CRMP1: variants seen among roughly 807,000 people sequenced by gnomAD.
CRMP1 encodes collapsin response mediator protein 1, also known as dihydropyrimidinase-related protein 1.
A neutral mutation model predicts 68.3 loss-of-function variants in CRMP1; 19 were observed. The ratio of observed to expected loss-of-function variants is 0.28; its 90% CI spans 0.19 to 0.41. The LOEUF (loss-of-function observed/expected upper bound fraction) is 0.41. CRMP1 is among the 10% of genes least tolerant of loss of function. CRMP1 has a pLI of 1.00. For synonymous variants in CRMP1, 439 were observed against 399.6 expected (o/e 1.10, Z -1.18); for missense variants, 791 against 967.4 (o/e 0.82, Z 2.42).
rs1377201485 is a variant in CRMP1, at chr4:5,879,942, G to A, written c.381+12647C>T. On this transcript the variant is annotated intron_variant, in intron 1 of 13. Transcript: ENST00000324989. The surrounding 1 kb of genome is among the most constrained non-coding windows in gnomAD (Gnocchi z 4.2). ...GTATGCGGAAATCATGATAGAGGAG[G>A]AATAAAGAATTGGAGTGGTTTTGGA... Among the ~76,000 whole-genome samples the A allele has an allele frequency of 6.6e-6, 1 of 152,202 alleles. No individual in the cohort carries two copies. Among genetic ancestry groups the A allele is most frequent in the Non-Finnish European group, 1.5e-5 (1 of 68,042 alleles).
At chr4:5,836,231 G>A in intron 10 of CRMP1, 146 bp from the exon 11 acceptor site, 1 of 615,856 alleles carries the variant, frequency 1.6e-6, no homozygotes, top group Non-Finnish European at 2.4e-6. Context: ...CCATCATCAA[G>A]AACCCCAGAA....
intron 12 of CRMP1, chr4:5,828,033 G>A: frequency 1.0e-6 from 1 of 985,392 alleles, no homozygotes; most frequent in Non-Finnish European, 1.2e-6. Flanking sequence ...CGGATCTGAA[G>A]GAAGCCCTGC....
At chr4:5,856,407 C>CCACCATCATCATCATCACCATCAT in intron 3 of CRMP1, 100 bp from the exon 4 acceptor site, 3 of 1,086,502 alleles carry the variant, frequency 2.8e-6, no homozygotes, top group Non-Finnish European at 4.0e-6. Flanking sequence ...ATTACCATCA[C>CCACCATCATCATCATCACCATCAT]CACCATCATC....
At chr4:5,829,246 G>A (rs531715741) in intron 11 of CRMP1, among the ~76,000 whole-genome samples, 65 of 152,124 alleles carry the variant, frequency 4.3e-4, no homozygotes, top group Non-Finnish European at 6.9e-4. Flanking sequence ...ACATTCGGCC[G>A]GGCACGGTGG....
chr4:5,839,422 CAA>C, intron 9 of CRMP1, 98 bp downstream of exon 9: 2 of 1,434,376 alleles, frequency 1.4e-6, no homozygotes, highest in Non-Finnish European at 1.9e-6. Context: ...GCCTCCTCTA[CAA>C]TCATGAGTCC....
chr4:5,852,225 G>C (rs944568266), intron 4 of CRMP1, among the ~76,000 whole-genome samples: 1 of 152,252 alleles, frequency 6.6e-6, no homozygotes, highest in Non-Finnish European at 1.5e-5. Context: ...CCGTCAGGGA[G>C]AGCTGAGTTC....
rs371310830 is a variant in CRMP1, at chr4:5,836,850, G to A, written c.1367C>T (p.Ala456Val). 8.1e-6 allele frequency: 13 copies of A among 1,614,012 alleles called. No individual in the cohort carries two copies. Among genetic ancestry groups the A allele is most frequent in the East Asian group, 4.5e-5 (2 of 44,884 alleles). The change falls in exon 10 of 14, where the codon GCG becomes GTG. Residue 456 changes from alanine to valine, a missense_variant. Physicochemically the swap from Ala to Val is moderately conservative, Grantham distance 64. This residue lies in a region of CRMP1 where 594 missense variants were observed against 763.6 expected (regional missense o/e 0.78). Transcript: ENST00000324989. ...CAGGGTAAAGTTGTCCTTGCCCACC[G>A]CCTTCTGGGCAGTGCTGTAGGGACA... ...GHCPYSTAQK[A>V]VGKDNFTLIP...
intron 13 of CRMP1, chr4:5,824,909 G>T: frequency 3.0e-6 from 3 of 985,386 alleles, no homozygotes; most frequent in Non-Finnish European, 3.6e-6. Flanking sequence ...AGTCAGGAGG[G>T]ATCAGGTCAA....
chr4:5,843,299 C>CG lies in CRMP1; in HGVS notation c.964-139dup. On this transcript the variant is annotated intron_variant, in intron 6 of 13. Coordinates refer to ENST00000324989, the MANE Select transcript of CRMP1 (RefSeq NM_001014809.3). This position sits in a 1 kb window ranked among gnomAD's most constrained non-coding sequence, Gnocchi z 4.1. ...TGGCTTGCACTAGGTTAACAGTGTG[C>CG]GGGGTGGGGGCAGTGAACTGTGTCC... is the stretch of plus-strand genomic sequence containing the variant. 1 of 750,676 alleles carries CG rather than the reference C, an allele frequency of 1.3e-6. No individual in the cohort carries two copies. The highest frequency in any genetic ancestry group is 2.7e-5 in the East Asian group (1 of 37,376). 46.5% of individuals were successfully genotyped at this position (750,676 alleles called of 1,614,324 possible).
Position 5,860,430 on chromosome 4 carries a change from GTGT to G in CRMP1, c.655+593_655+595del, listed in dbSNP as rs1014615527. ...GCACACCCTCAAATGAGAAAAACAA[GTGT>G]TGCTTAAGATTTGGGGGCTGTTTGT... is the stretch of plus-strand genomic sequence containing the variant. On this transcript the variant is annotated intron_variant, in intron 3 of 13. Coordinates refer to ENST00000324989, the MANE Select transcript of CRMP1 (RefSeq NM_001014809.3). The surrounding 1 kb of genome is among the most constrained non-coding windows in gnomAD (Gnocchi z 4.2). Among the ~76,000 whole-genome samples, 1 of 152,148 alleles carries G rather than the reference GTGT, an allele frequency of 6.6e-6. No individual in the cohort carries two copies. Among genetic ancestry groups the G allele is most frequent in the Non-Finnish European group, 1.5e-5 (1 of 68,018 alleles).
At position 5,883,219 on chromosome 4, in the gene CRMP1, G is replaced by A. The variant is rs1165751420; in HGVS notation, c.381+9370C>T. Among the ~76,000 whole-genome samples the A allele has an allele frequency of 2.7e-5, 4 of 147,032 alleles. No homozygotes were observed. Among genetic ancestry groups the A allele is most frequent in the South Asian group, 2.2e-4 (1 of 4,544 alleles). On this transcript the variant is annotated intron_variant, in intron 1 of 13. Coordinates refer to ENST00000324989, the MANE Select transcript of CRMP1 (RefSeq NM_001014809.3). The surrounding 1 kb of genome is among the most constrained non-coding windows in gnomAD (Gnocchi z 4.5). The stretch of plus-strand genomic sequence containing the variant: ...TCCTCTGACACCTGTGCCCTGTTCC[G>A]CAGCCTGCCTGCTTTCCTTCCTTCC...
chr4:5,832,410 A>C (rs1304031259), intron 11 of CRMP1, among the ~76,000 whole-genome samples: 2 of 152,260 alleles, frequency 1.3e-5, no homozygotes, highest in Non-Finnish European at 2.9e-5. Context: ...TTTGATGTGA[A>C]TGTTTTCCAC....
rs1715913342 is a variant in CRMP1, at chr4:5,890,921, C to T, written c.381+1668G>A. On this transcript the variant is annotated intron_variant, in intron 1 of 13. Coordinates refer to ENST00000324989, the MANE Select transcript of CRMP1 (RefSeq NM_001014809.3). This position sits in a 1 kb window ranked among gnomAD's most constrained non-coding sequence, Gnocchi z 5.5. ...AAGGCCGGAAGAAGACGGCCACCCCCATCTGACAGATGGAGAAGCTGAGGC... is the reference window on the plus strand; with the variant it reads ...AAGGCCGGAAGAAGACGGCCACCCCTATCTGACAGATGGAGAAGCTGAGGC... Among the ~76,000 whole-genome samples, 1 of 152,144 alleles carries T rather than the reference C, an allele frequency of 6.6e-6. No individual in the cohort carries two copies. The highest frequency in any genetic ancestry group is 1.5e-5 in the Non-Finnish European group (1 of 68,030).
rs1720625523 is a variant in CRMP1 at position 5,834,850 on chromosome 4, T to G, written c.1623+1065A>C. Reference sequence around the variant, plus strand: ...CAAGTAGTGTTACCAGGGAGCATTGTGTATTATAAGAATGACCTGGATTGG... The same window carrying G: ...CAAGTAGTGTTACCAGGGAGCATTGGGTATTATAAGAATGACCTGGATTGG... On this transcript the variant is annotated intron_variant, in intron 11 of 13. Coordinates refer to ENST00000324989, the MANE Select transcript of CRMP1 (RefSeq NM_001014809.3). The surrounding 1 kb of genome is among the most constrained non-coding windows in gnomAD (Gnocchi z 4.3). Among the ~76,000 whole-genome samples the G allele has an allele frequency of 6.6e-6, 1 of 152,160 alleles. No homozygotes were observed. Among genetic ancestry groups the G allele is most frequent in the Non-Finnish European group, 1.5e-5 (1 of 68,010 alleles).
At chr4:5,886,653 G>T (rs963088300) in intron 1 of CRMP1, among the ~76,000 whole-genome samples, 2 of 152,172 alleles carry the variant, frequency 1.3e-5, no homozygotes, top group Non-Finnish European at 2.9e-5. Context: ...ACCTTCTGTG[G>T]GCACACAGCC....
intron 13 of CRMP1, chr4:5,824,333 C>T: frequency 1.0e-6 from 1 of 985,388 alleles, no homozygotes; most frequent in Non-Finnish European, 1.2e-6. Context: ...AAATATGAAA[C>T]ACTGGAAGCT....
Position 5,841,850 on chromosome 4 carries a change from G to A in CRMP1, c.1033-422C>T, listed in dbSNP as rs1661787567. On this transcript the variant is annotated intron_variant, in intron 7 of 13. Transcript: ENST00000324989. This position sits in a 1 kb window ranked among gnomAD's most constrained non-coding sequence, Gnocchi z 6.9. Reference sequence around the variant, plus strand: ...ACACCAGGCCCAGGGCATGGGCCCAGAAGACTCGGTAATGACCTGATGAGG... The same window carrying A: ...ACACCAGGCCCAGGGCATGGGCCCAAAAGACTCGGTAATGACCTGATGAGG... 6.6e-6 allele frequency among the ~76,000 whole-genome samples: 1 copy of A among 152,224 alleles called. No homozygotes were observed. Among genetic ancestry groups the A allele is most frequent in the Admixed American group, 6.5e-5 (1 of 15,288 alleles).
rs376152936 is a variant in CRMP1 at position 5,837,650 on chromosome 4, T to TAATAAAATAA, written c.1311-754_1311-745dup. Among the ~76,000 whole-genome samples, 201 of 134,860 alleles carry TAATAAAATAA rather than the reference T, an allele frequency of 1.5e-3. 1 individual carries two copies. Among genetic ancestry groups the TAATAAAATAA allele is most frequent in the African/African-American group, 5.7e-3 (191 of 33,464 alleles). The allele number at this position is 134,860 out of a possible 152,430, so 88.5% of individuals were successfully genotyped here. On this transcript the variant is annotated intron_variant, in intron 9 of 13. Transcript: ENST00000324989. ...TCTCAAAAAATAAAATAAAATAAAA[T>TAATAAAATAA]AATAAAATAAAATAAAATAAAATAA...
chr4:5,843,201 T>G lies in CRMP1; in HGVS notation c.964-40A>C. The G allele has an allele frequency of 6.2e-7, 1 of 1,609,646 alleles. No individual in the cohort carries two copies. The highest frequency in any genetic ancestry group is 8.5e-7 in the Non-Finnish European group (1 of 1,176,066). ...CAAGTGAGTTAACGATTAGAGGGTG[T>G]CAGAGCTGGGAGAAGTGACTCCTCC... On this transcript the variant is annotated intron_variant, in intron 6 of 13. Transcript: ENST00000324989. This position sits in a 1 kb window ranked among gnomAD's most constrained non-coding sequence, Gnocchi z 4.1.
Sources: gnomAD v4.1 joint callset for allele counts (sites outside exome capture counted in the v4.1 genomes callset) on GRCh38, gnomAD v4.1.1 for gene constraint, gnomAD v4.1.1 regional missense constraint, Gnocchi (gnomAD v3.1) non-coding constraint, MANE v1.5 for transcripts, NCBI Gene and HGNC (gene_info 2026-07-23, HGNC 2026-07-21) for gene names.